SUPT3H: variants seen among roughly 807,000 people sequenced by gnomAD.
The protein encoded by SUPT3H is SPT3 homolog, SAGA and STAGA complex component.
SUPT3H carries 44 observed loss-of-function variants against 44.3 expected under a neutral mutation model. The observed-to-expected ratio is 0.99, with a 90% confidence interval of 0.78 to 1.28. The LOEUF (loss-of-function observed/expected upper bound fraction) is 1.28. Ranked by LOEUF, SUPT3H falls within the 50% of genes most tolerant of loss-of-function variation. The probability of loss-of-function intolerance (pLI) is 0.00; values close to 1 mark genes in which losing one functional copy is unlikely to be tolerated. For missense variants in SUPT3H, 380 were observed against 387.1 expected (o/e 0.98, Z 0.15); for synonymous variants, 124 against 125.6 (o/e 0.99, Z 0.09).
intron 10 of SUPT3H, among the ~76,000 whole-genome samples, chr6:44,931,494 A>T (rs1201020404): frequency 6.6e-6 from 1 of 152,092 alleles, no homozygotes; most frequent in Non-Finnish European, 1.5e-5. Flanking sequence ...AGCTTCACCC[A>T]TCATGTAAAA....
rs145513414 is a variant in SUPT3H at position 45,299,102 on chromosome 6, T to C, written c.101+66099A>G. Among the ~76,000 whole-genome samples, 2,037 of 152,072 alleles carry C rather than the reference T, an allele frequency of 0.013. 103 individuals carry two copies. The East Asian group carries it at 0.13, about 10-fold the overall frequency. ...TGGTCACACCTATAATCCTAACACT[T>C]TGGGAGGCCAAGGCAGGTGGATCAT... On this transcript the variant is annotated intron_variant, in intron 2 of 10. Coordinates refer to ENST00000371459, the MANE Select transcript of SUPT3H (RefSeq NM_003599.4).
chr6:45,136,144 A>C (rs896376840), intron 2 of SUPT3H, among the ~76,000 whole-genome samples: 1 of 152,220 alleles, frequency 6.6e-6, no homozygotes, highest in Non-Finnish European at 1.5e-5. Flanking sequence ...AGAAAGAAGA[A>C]GCATTGATTC....
At chr6:45,345,913 C>G (rs1161508796) in intron 2 of SUPT3H, among the ~76,000 whole-genome samples, 1 of 152,128 alleles carries the variant, frequency 6.6e-6, no homozygotes, top group African/African-American at 2.4e-5. Context: ...CTATTTGCTC[C>G]AAATGCCTCA....
chr6:45,340,381 T>A (rs765465261), intron 2 of SUPT3H, among the ~76,000 whole-genome samples: 1 of 152,158 alleles, frequency 6.6e-6, no homozygotes, highest in Non-Finnish European at 1.5e-5. Context: ...TAGAGTGCAC[T>A]GGCATGATCA....
In SUPT3H at chr6:45,347,888, A is replaced by T. The variant is rs79208576; in HGVS notation, c.101+17313T>A. Among the ~76,000 whole-genome samples, 1,124 of 152,258 alleles carry T rather than the reference A, an allele frequency of 7.4e-3. 14 individuals are homozygous for T. Among genetic ancestry groups the T allele is most frequent in the African/African-American group, 0.025 (1,052 of 41,562 alleles). On this transcript the variant is annotated intron_variant, in intron 2 of 10. Transcript: ENST00000371459. ...TACATGCCTACTGAAATAATGAAACAGAATGTCAGTATGGTTACCTGTGAA... is the reference window on the plus strand; with the variant it reads ...TACATGCCTACTGAAATAATGAAACTGAATGTCAGTATGGTTACCTGTGAA...
chr6:45,313,402 T>C (rs1449266009), intron 2 of SUPT3H, among the ~76,000 whole-genome samples: 2 of 151,878 alleles, frequency 1.3e-5, no homozygotes, highest in African/African-American at 2.4e-5. Flanking sequence ...ATTTGCAAGA[T>C]TAACCAAGAA....
intron 2 of SUPT3H, among the ~76,000 whole-genome samples, chr6:45,219,598 T>A (rs1765660584): frequency 6.6e-6 from 1 of 152,142 alleles, no homozygotes; most frequent in South Asian, 2.1e-4. Context: ...ATGGATAATA[T>A]GAACTGTCCT....
intron 3 of SUPT3H, among the ~76,000 whole-genome samples, chr6:45,023,739 AT>A: frequency 7.8e-3 from 2 of 256 alleles, no homozygotes; most frequent in Admixed American, 0.083. Flanking sequence ...AAAAGGAAAC[AT>A]AGACACTGGG....
chr6:45,121,130 G>A (rs1479927124), intron 2 of SUPT3H, among the ~76,000 whole-genome samples: 1 of 152,090 alleles, frequency 6.6e-6, no homozygotes, highest in Non-Finnish European at 1.5e-5. Flanking sequence ...CAGAGAGTTT[G>A]ATAAACAGAA....
intron 3 of SUPT3H, among the ~76,000 whole-genome samples, chr6:45,080,996 C>G (rs913001110): frequency 1.3e-5 from 2 of 150,590 alleles, no homozygotes; most frequent in Non-Finnish European, 3.0e-5. Context: ...AAATTACTAT[C>G]CATTTTATGC....
At chr6:45,377,073 G>T (rs1458865142) in intron 1 of SUPT3H, among the ~76,000 whole-genome samples, 1 of 150,922 alleles carries the variant, frequency 6.6e-6, no homozygotes, top group African/African-American at 2.4e-5. Flanking sequence ...GTGAGACCAA[G>T]TGTCCTGATT....
At chr6:45,023,377 C>T (rs1785462893) in intron 3 of SUPT3H, among the ~76,000 whole-genome samples, 1 of 151,974 alleles carries the variant, frequency 6.6e-6, no homozygotes, top group South Asian at 2.1e-4. Context: ...ATGGTGATTC[C>T]TCAGAGCTAA....
chr6:45,285,531 T>G, intron 2 of SUPT3H, among the ~76,000 whole-genome samples: 1 of 151,944 alleles, frequency 6.6e-6, no homozygotes, highest in Non-Finnish European at 1.5e-5. Context: ...GAATCCAACT[T>G]ACAAGGGACG....
chr6:44,959,691 A>C (rs1392969466), intron 7 of SUPT3H, among the ~76,000 whole-genome samples: 1 of 152,194 alleles, frequency 6.6e-6, no homozygotes, highest in Non-Finnish European at 1.5e-5. Context: ...AAAAGACTGA[A>C]TTGTGAATTA....
At chr6:44,927,472 C>A (rs1769687880) in intron 10 of SUPT3H, among the ~76,000 whole-genome samples, 2 of 152,228 alleles carry the variant, frequency 1.3e-5, no homozygotes, top group South Asian at 4.1e-4. Context: ...TCATCAATTT[C>A]TGAAAACCTT....
At chr6:45,083,323 CT>C (rs1796070056) in intron 3 of SUPT3H, among the ~76,000 whole-genome samples, 1 of 151,872 alleles carries the variant, frequency 6.6e-6, no homozygotes, top group Non-Finnish European at 1.5e-5. Context: ...TCCTGAGTAG[CT>C]GGGATTATAG....
intron 1 of SUPT3H, among the ~76,000 whole-genome samples, chr6:45,366,476 T>C (rs1563033701): frequency 1.3e-5 from 2 of 152,166 alleles, no homozygotes; most frequent in Non-Finnish European, 2.9e-5. Flanking sequence ...ACACAATAAA[T>C]GTTAGCTATT....
chr6:45,257,087 C>T (rs1773536057), intron 2 of SUPT3H, among the ~76,000 whole-genome samples: 5 of 152,304 alleles, frequency 3.3e-5, no homozygotes, highest in Admixed American at 1.3e-4. Flanking sequence ...TTTCCACATC[C>T]TCACCAACAC....
At position 44,828,888 on chromosome 6, in the gene SUPT3H, C is replaced by G. The variant is rs928331270; in HGVS notation, c.*928G>C. 6.6e-6 allele frequency: 1 copy of G among 152,180 alleles called. No individual in the cohort carries two copies. The highest frequency in any genetic ancestry group is 2.4e-5 in the African/African-American group (1 of 41,030). 9.4% of individuals were successfully genotyped at this position (152,180 alleles called of 1,614,324 possible). On this transcript the variant is annotated 3_prime_UTR_variant, in exon 11 of 11. Transcript: ENST00000371459. ...AGTTTAATCAGGAACTGTACAATTA[C>G]ATCTGCTATATTTTGGTTTGTTCCA...
Sources: allele counts gnomAD v4.1 joint callset (sites outside exome capture counted in the v4.1 genomes callset), GRCh38; gene constraint gnomAD v4.1.1; transcripts MANE v1.5; gene names NCBI Gene and HGNC (gene_info 2026-07-23, HGNC 2026-07-21).